Variants in RSBN1L observed in about 807,000 individuals in gnomAD.
RSBN1L encodes round spermatid basic protein 1 like.
Under a neutral mutation model 67.7 loss-of-function variants are expected in RSBN1L, and 30 were observed. That is an observed-to-expected ratio of 0.44 (90% CI 0.33 to 0.60). The LOEUF (loss-of-function observed/expected upper bound fraction) is 0.60. RSBN1L is among the 20% of genes least tolerant of loss of function. RSBN1L has a pLI of 0.02. For missense variants in RSBN1L, 992 were observed against 1,031.7 expected, an observed-to-expected ratio of 0.96 and a Z score of 0.53; for synonymous variants, 433 against 387.0, an observed-to-expected ratio of 1.12 and a Z score of -1.39.
intron 1 of RSBN1L, among the ~76,000 whole-genome samples, chr7:77,701,316 C>G (rs564299793): frequency 6.6e-6 from 1 of 152,184 alleles, no homozygotes; most frequent in East Asian, 1.9e-4. Flanking sequence ...ATTTCTTTAA[C>G]TTTTGTTGAA....
At chr7:77,716,734 C>T (rs929875895) in intron 1 of RSBN1L, among the ~76,000 whole-genome samples, 6 of 145,470 alleles carry the variant, frequency 4.1e-5, no homozygotes, top group African/African-American at 1.3e-4. Flanking sequence ...TGTGTTCAAG[C>T]GATTGTCCTG....
chr7:77,771,998 A>C (rs1584305208), intron 5 of RSBN1L, among the ~76,000 whole-genome samples: 1 of 152,294 alleles, frequency 6.6e-6, no homozygotes, highest in East Asian at 1.9e-4. Context: ...TATGATAATA[A>C]TAGTCTAACA....
In RSBN1L at chr7:77,744,669, C is replaced by T. The variant is rs554498881; in HGVS notation, c.704-4755C>T. Among the ~76,000 whole-genome samples the T allele has an allele frequency of 1.7e-4, 25 of 147,526 alleles. No individual in the cohort carries two copies. In the South Asian group the frequency reaches 4.4e-3, roughly 26 times the overall value. ...CTGACCTCAGGTGATTCACCTGCCT[C>T]GGCCTCCCAAAGTGCTGGGATTACA... On this transcript the variant is annotated intron_variant, in intron 2 of 7. Transcript: ENST00000334955.
intron 3 of RSBN1L, among the ~76,000 whole-genome samples, chr7:77,751,630 T>G (rs1051099940): frequency 6.6e-6 from 1 of 152,246 alleles, no homozygotes; most frequent in Admixed American, 6.5e-5. Context: ...GAATCAGGAC[T>G]GGCATCTAAT....
intron 1 of RSBN1L, among the ~76,000 whole-genome samples, chr7:77,702,067 A>G (rs1274606513): frequency 1.3e-5 from 2 of 151,340 alleles, no homozygotes; most frequent in Non-Finnish European, 2.9e-5. Context: ...CCAGGTTCGC[A>G]TGATTCTCCT....
intron 2 of RSBN1L, among the ~76,000 whole-genome samples, chr7:77,747,305 A>G (rs1791496980): frequency 6.6e-6 from 1 of 152,236 alleles, no homozygotes; most frequent in Non-Finnish European, 1.5e-5. Flanking sequence ...GAAAGAGCCA[A>G]CTGCTAATAG....
chr7:77,735,337 C>G (rs1436368460), intron 1 of RSBN1L, among the ~76,000 whole-genome samples: 1 of 152,054 alleles, frequency 6.6e-6, no homozygotes, highest in African/African-American at 2.4e-5. Flanking sequence ...TAAAATATCT[C>G]ATCATTTAAA....
At chr7:77,765,405 G>C in intron 3 of RSBN1L, 90 bp from the exon 4 acceptor site, 1 of 1,006,900 alleles carries the variant, frequency 9.9e-7, no homozygotes, top group Non-Finnish European at 1.4e-6. Context: ...ATGATAGCAA[G>C]CATTATCTTA....
chr7:77,709,679 C>T (rs114865407), intron 1 of RSBN1L, among the ~76,000 whole-genome samples: 3 of 152,108 alleles, frequency 2.0e-5, no homozygotes, highest in Non-Finnish European at 4.4e-5. Context: ...CTTCCAGCCC[C>T]ACCCCCTAAT....
chr7:77,706,249 T>G (rs539522483), intron 1 of RSBN1L, among the ~76,000 whole-genome samples: 1 of 152,146 alleles, frequency 6.6e-6, no homozygotes, highest in Non-Finnish European at 1.5e-5. Flanking sequence ...GCTAATTTTT[T>G]GTATTTTTAG....
chr7:77,768,680 C>A lies in RSBN1L; in HGVS notation c.1502C>A (p.Thr501Lys), dbSNP rs753404551. The change falls in exon 5 of 8, where the codon ACG becomes AAG. Residue 501 changes from threonine (T) to lysine (K), a missense_variant. This residue lies in a region of RSBN1L where 67 missense variants were observed against 130.5 expected (regional missense o/e 0.51). Coordinates refer to ENST00000334955, the MANE Select transcript of RSBN1L (RefSeq NM_198467.3). ...PFLKCTLPWGTLSSLKLQSRK... is the reference protein window; with the variant it reads ...PFLKCTLPWGKLSSLKLQSRK... ...CTCCAGTGTACACTGCCATGGGGGA[C>A]GCTATCTAGTCTAAAATTACAGAGT... 2 of 1,613,604 alleles carry A rather than the reference C, an allele frequency of 1.2e-6. No homozygotes were observed. Among genetic ancestry groups the A allele is most frequent in the East Asian group, 4.5e-5 (2 of 44,862 alleles).
intron 1 of RSBN1L, among the ~76,000 whole-genome samples, chr7:77,724,506 A>T (rs1358941176): frequency 6.6e-6 from 1 of 150,986 alleles, no homozygotes; most frequent in African/African-American, 2.4e-5. Context: ...GTTCACTGCA[A>T]CCTGTGCCTC....
At chr7:77,706,638 C>T (rs1046458613) in intron 1 of RSBN1L, among the ~76,000 whole-genome samples, 2 of 152,104 alleles carry the variant, frequency 1.3e-5, no homozygotes, top group Non-Finnish European at 2.9e-5. Flanking sequence ...TAAATTGCTC[C>T]TCCTATGTCT....
chr7:77,705,239 G>A (rs1213703121), intron 1 of RSBN1L, among the ~76,000 whole-genome samples: 1 of 152,100 alleles, frequency 6.6e-6, no homozygotes, highest in East Asian at 1.9e-4. Context: ...TACCAGTCCA[G>A]CATACCTGTT....
At chr7:77,762,128 G>A (rs1408763924) in intron 3 of RSBN1L, among the ~76,000 whole-genome samples, 1 of 152,136 alleles carries the variant, frequency 6.6e-6, no homozygotes, top group African/African-American at 2.4e-5. Flanking sequence ...GTGTGAAAGT[G>A]AATTTTACAT....
chr7:77,719,724 T>A (rs188473860), intron 1 of RSBN1L, among the ~76,000 whole-genome samples: 67 of 152,346 alleles, frequency 4.4e-4, no homozygotes, highest in African/African-American at 1.6e-3. Flanking sequence ...CAGGCCACTT[T>A]ATCATGTTAT....
intron 1 of RSBN1L, among the ~76,000 whole-genome samples, chr7:77,727,922 TA>T (rs1791228066): frequency 6.6e-6 from 1 of 152,248 alleles, no homozygotes; most frequent in Non-Finnish European, 1.5e-5. Context: ...TTTGTGTAGT[TA>T]AAAATTGCCT....
At chr7:77,707,134 A>G (rs1005248522) in intron 1 of RSBN1L, among the ~76,000 whole-genome samples, 1 of 149,574 alleles carries the variant, frequency 6.7e-6, no homozygotes, top group Non-Finnish European at 1.5e-5. Flanking sequence ...AGTGATTCTC[A>G]TGCCTCAGCC....
chr7:77,711,885 A>G (rs1381544592), intron 1 of RSBN1L, among the ~76,000 whole-genome samples: 1 of 152,186 alleles, frequency 6.6e-6, no homozygotes, highest in Non-Finnish European at 1.5e-5. Flanking sequence ...GAAAAACCAT[A>G]GGACTGAGAA....
Sources: allele counts gnomAD v4.1 joint callset (sites outside exome capture counted in the v4.1 genomes callset), GRCh38; gene constraint gnomAD v4.1.1; regional missense constraint gnomAD v4.1.1; transcripts MANE v1.5; gene names NCBI Gene and HGNC (gene_info 2026-07-23, HGNC 2026-07-21).